The following CENPT variants were observed in gnomAD, a reference collection of about 807,000 sequenced individuals.
CENPT encodes the protein centromere protein T, also known as interphase centromere complex protein 22.
In CENPT, 42 loss-of-function variants were observed where a neutral mutation model predicts 59.7. That is an observed-to-expected ratio of 0.70 (90% confidence interval 0.55 to 0.91). The LOEUF is 0.91. Ranked by LOEUF, CENPT falls within the 40% of genes least tolerant of loss-of-function variation. The pLI is 0.00. For synonymous variants in CENPT, 295 were observed against 289.6 expected (o/e 1.02, Z -0.19); for missense variants, 716 against 713.4 (o/e 1.00, Z -0.04).
At chr16:67,846,896 C>A (rs2057804185) in intron 1 of CENPT, 1 of 152,222 alleles carries the variant, frequency 6.6e-6, no homozygotes, top group Non-Finnish European at 1.5e-5. Context: ...TGCAGCGGGG[C>A]GGGCGAAGGA....
chr16:67,832,041 T>A lies in CENPT; in HGVS notation c.357A>T (p.Gln119His). The change falls in exon 7 of 16, where the codon CAA becomes CAT. Residue 119 changes from glutamine to histidine, a missense_variant. Physicochemically the swap from Gln to His is conservative, Grantham distance 24. Coordinates refer to ENST00000562787, the MANE Select transcript of CENPT (RefSeq NM_025082.4). ...VKPVPAPQAV[Q>H]PSRQESSCGS... ...CGCAACTGCTCTCTTGTCTGGAGGG[T>A]TGGACCGCCTGCGGTGCTGGCACTG... 6.2e-7 allele frequency: 1 copy of A among 1,609,622 alleles called. No individual in the cohort carries two copies. Among genetic ancestry groups the A allele is most frequent in the South Asian group, 1.1e-5 (1 of 90,550 alleles).
intron 1 of CENPT, chr16:67,841,736 T>C (rs1418099494): frequency 1.3e-5 from 2 of 152,222 alleles, no homozygotes; most frequent in East Asian, 3.8e-4. Flanking sequence ...AGACTTTGTT[T>C]AGATCAGTTA....
At chr16:67,839,841 T>C (rs1029369946) in intron 1 of CENPT, among the ~76,000 whole-genome samples, 2 of 152,058 alleles carry the variant, frequency 1.3e-5, no homozygotes, top group African/African-American at 4.8e-5. Context: ...ACCACTGCAC[T>C]TCAGCCTCAA....
rs2057765376 is a variant in CENPT at position 67,842,106 on chromosome 16, A to G, written c.-492+5295T>C. 6.6e-6 allele frequency: 1 copy of G among 152,336 alleles called. No homozygotes were observed. Among genetic ancestry groups the G allele is most frequent in the Non-Finnish European group, 1.5e-5 (1 of 68,168 alleles). The allele number at this position is 152,336 out of a possible 1,614,324, so 9.4% of individuals were successfully genotyped here. ...TATCAGGATTCGGGTCCTCGTGAGGAGCAGTCCAGGCGACAGCGTTCCAAC... is the reference window on the plus strand; with the variant it reads ...TATCAGGATTCGGGTCCTCGTGAGGGGCAGTCCAGGCGACAGCGTTCCAAC... On this transcript the variant is annotated intron_variant, in intron 1 of 15. Transcript: ENST00000562787. The surrounding 1 kb of genome is among the most constrained non-coding windows in gnomAD (Gnocchi z 4.9).
chr16:67,828,396 G>A lies in CENPT; in HGVS notation c.1563-6C>T. On this transcript the variant is annotated splice_polypyrimidine_tract_variant and splice_region_variant and intron_variant, in intron 15 of 15. Coordinates refer to ENST00000562787, the MANE Select transcript of CENPT (RefSeq NM_025082.4). ...GGTCAGTGACCAGGCCCTGCCTGCA[G>A]TGGAGGAAGAGAAGGGACAGGCAGA... 1 of 1,611,730 alleles carries A rather than the reference G, an allele frequency of 6.2e-7. No homozygotes were observed. Among genetic ancestry groups the A allele is most frequent in the Non-Finnish European group, 8.5e-7 (1 of 1,178,146 alleles).
In CENPT at chr16:67,830,085, G is replaced by C; in HGVS notation, c.866C>G (p.Pro289Arg). Residue 289 changes from proline to arginine, a missense_variant, in exon 12 of 16, where the codon CCT becomes CGT. Pro to Arg is a moderately radical substitution (Grantham distance 103, BLOSUM62 -2). Coordinates refer to ENST00000562787, the MANE Select transcript of CENPT (RefSeq NM_025082.4). ...TGCCAGAAACTGGGCTGGTTTCCCA[G>C]GGCCTGAGTGAAGGGGAGAGAATAC... ...SSGPGLQKNS[P>R]GKPAQFLAGE... The C allele has an allele frequency of 1.2e-6, 2 of 1,614,020 alleles. No homozygotes were observed. The highest frequency in any genetic ancestry group is 1.7e-6 in the Non-Finnish European group (2 of 1,179,920).
rs1236862167 is a variant in CENPT, at chr16:67,842,707, C to T, written c.-492+4694G>A. 2.5e-6 allele frequency: 4 copies of T among 1,602,044 alleles called. No homozygotes were observed. Among genetic ancestry groups the T allele is most frequent in the Admixed American group, 1.7e-5 (1 of 58,560 alleles). On this transcript the variant is annotated intron_variant, in intron 1 of 15. Transcript: ENST00000562787. This position sits in a 1 kb window ranked among gnomAD's most constrained non-coding sequence, Gnocchi z 4.9. ...CCGGCGTCAGTGGGTGCTTCTCCAC[C>T]TTCCAGCCCACCACAGGCCACCGTC... is the stretch of plus-strand genomic sequence containing the variant.
chr16:67,830,493 G>T lies in CENPT; in HGVS notation c.759C>A (p.Asn253Lys), dbSNP rs56045040. The change falls in exon 11 of 16, where the codon AAC becomes AAA. Residue 253 changes from asparagine (N) to lysine (K), a missense_variant. Transcript: ENST00000562787. ...GCGTGCAGGGCAGGGAGTGATACACGTTGGGGGAGCCAACCATGGGCTGAG... is the reference window on the plus strand; with the variant it reads ...GCGTGCAGGGCAGGGAGTGATACACTTTGGGGGAGCCAACCATGGGCTGAG... ...PFSQPMVGSP[N>K]VYHSLPCTPH... The T allele has an allele frequency of 1.2e-6, 2 of 1,614,118 alleles. No individual in the cohort carries two copies. Among genetic ancestry groups the T allele is most frequent in the Non-Finnish European group, 1.7e-6 (2 of 1,179,996 alleles).
chr16:67,846,657 G>A (rs1382026911), intron 1 of CENPT: 1 of 152,412 alleles, frequency 6.6e-6, no homozygotes, highest in Non-Finnish European at 1.5e-5. Flanking sequence ...GAGACCAGGA[G>A]ACAACTGAGC....
At position 67,828,534 on chromosome 16, in the gene CENPT, A is replaced by G; in HGVS notation, c.1502T>C (p.Phe501Ser). Residue 501 changes from phenylalanine (F) to serine (S), a missense_variant, in exon 15 of 16, where the codon TTT (phenylalanine) becomes TCT (serine). Transcript: ENST00000562787. ...AGTCTTGCGGCCAGCATGAGCAGCA[A>G]ATACCTCCAGATCATCACAAAGATG... Reference protein sequence around the residue: ...FQHLCDDLEVFAAHAGRKTVK... With the variant: ...FQHLCDDLEVSAAHAGRKTVK... 1 of 1,614,212 alleles carries G rather than the reference A, an allele frequency of 6.2e-7. No homozygotes were observed. The highest frequency in any genetic ancestry group is 8.5e-7 in the Non-Finnish European group (1 of 1,180,040).
At chr16:67,845,442 G>A (rs1386751831) in intron 1 of CENPT, among the ~76,000 whole-genome samples, 2 of 152,176 alleles carry the variant, frequency 1.3e-5, no homozygotes, top group African/African-American at 2.4e-5. Context: ...GGGATGGACT[G>A]GACCTCTGTC....
chr16:67,843,728 T>G lies in CENPT; in HGVS notation c.-492+3673A>C. On this transcript the variant is annotated intron_variant, in intron 1 of 15. Transcript: ENST00000562787. This position sits in a 1 kb window ranked among gnomAD's most constrained non-coding sequence, Gnocchi z 5.7. ...CCAGCAATTATGACTTTGTCTACCC[T>G]TCCTCCCCAGTTATTGTTGCAGATT... 1 of 494,128 alleles carries G rather than the reference T, an allele frequency of 2.0e-6. No individual in the cohort carries two copies. Among genetic ancestry groups the G allele is most frequent in the Non-Finnish European group, 3.7e-6 (1 of 270,728 alleles). The allele number at this position is 494,128 out of a possible 1,614,324, so 30.6% of individuals were successfully genotyped here.
At chr16:67,840,658 G>T (rs1365532233) in intron 1 of CENPT, among the ~76,000 whole-genome samples, 1 of 152,034 alleles carries the variant, frequency 6.6e-6, no homozygotes, top group Non-Finnish European at 1.5e-5. Context: ...CCTGGGTGAT[G>T]AAATAATCTG....
chr16:67,845,594 G>A (rs1291605191), intron 1 of CENPT, among the ~76,000 whole-genome samples: 1 of 152,208 alleles, frequency 6.6e-6, no homozygotes, highest in Non-Finnish European at 1.5e-5. Context: ...GTGTATCCTT[G>A]AGCTCCTATT....
Position 67,828,715 on chromosome 16 carries a change from T to A in CENPT, c.1409A>T (p.Tyr470Phe). 1 of 1,614,184 alleles carries A rather than the reference T, an allele frequency of 6.2e-7. No individual in the cohort carries two copies. Among genetic ancestry groups the A allele is most frequent in the Non-Finnish European group, 8.5e-7 (1 of 1,180,036 alleles). The change falls in exon 14 of 16, where the codon TAT becomes TTT. Residue 470 changes from tyrosine to phenylalanine, a missense_variant. Physicochemically the swap from Tyr to Phe is conservative, Grantham distance 22 (BLOSUM62 3). Coordinates refer to ENST00000562787, the MANE Select transcript of CENPT (RefSeq NM_025082.4). ...CTTCCTCTCCATGGGCATCTTGGCA[T>A]AGAAGCTAAAGAGTTTCACATAGTG... Reference protein sequence around the residue: ...LSHYVKLFSFYAKMPMERKAL... With the variant: ...LSHYVKLFSFFAKMPMERKAL...
chr16:67,830,455 GC>G lies in CENPT; in HGVS notation c.796del (p.Ala266LeufsTer46), dbSNP rs1367045368. ...HSLPCTPHTG[A>X]EDAEQAAGRK... ...ACCGGCAGCCTGCTCAGCGTCTTCA[GC>G]CCCAGTGTGAGGCGTGCAGGGCAGG... On this transcript the variant is annotated frameshift_variant, in exon 11 of 16. Coordinates refer to ENST00000562787, the MANE Select transcript of CENPT (RefSeq NM_025082.4). LOFTEE classifies it high-confidence loss of function. 6.2e-7 allele frequency: 1 copy of G among 1,614,014 alleles called. No homozygotes were observed. The highest frequency in any genetic ancestry group is 1.3e-5 in the African/African-American group (1 of 74,920).
chr16:67,831,140 G>C, intron 10 of CENPT, 76 bp downstream of exon 10: 1 of 1,601,590 alleles, frequency 6.2e-7, no homozygotes, highest in Non-Finnish European at 8.5e-7. Flanking sequence ...GTGCAACCCT[G>C]ACTCAGCATC....
At position 67,831,247 on chromosome 16, in the gene CENPT, C is replaced by T; in HGVS notation, c.672G>A (p.Arg224=). Residue 224 remains arginine, a synonymous_variant, in exon 10 of 16, where the codon CGG becomes CGA. Coordinates refer to ENST00000562787, the MANE Select transcript of CENPT (RefSeq NM_025082.4). The stretch of plus-strand genomic sequence containing the variant: ...GAGCCAGGGAAGTATCTCGCAGATC[C>T]CGCAAAAAGGCACCCACGTCTACAG... The part of the protein sequence containing the change: ...RRAVDVGAFL[R]DLRDTSLAPP... 6.2e-7 allele frequency: 1 copy of T among 1,614,128 alleles called. No homozygotes were observed. Among genetic ancestry groups the T allele is most frequent in the South Asian group, 1.1e-5 (1 of 91,078 alleles).
In CENPT at chr16:67,833,788, G is replaced by A. The variant is rs1010526146; in HGVS notation, c.72C>T (p.Asp24=). 1.3e-6 allele frequency: 2 copies of A among 1,569,060 alleles called. No homozygotes were observed. The highest frequency in any genetic ancestry group is 1.7e-6 in the Non-Finnish European group (2 of 1,160,108). ...TLLRRVLDTA[D]PRTPRRPRSA... ...TCCGGGGTCGCCGCGGGGTGCGCGGGTCCGCTGTATCCAGCACGCGTCGCA... is the reference window on the plus strand; with the variant it reads ...TCCGGGGTCGCCGCGGGGTGCGCGGATCCGCTGTATCCAGCACGCGTCGCA... Residue 24 remains aspartate, a synonymous_variant, in exon 4 of 16, where the codon GAC becomes GAT. Transcript: ENST00000562787.
Sources: gnomAD v4.1 joint callset for allele counts (sites outside exome capture counted in the v4.1 genomes callset) on GRCh38, gnomAD v4.1.1 for gene constraint, Gnocchi (gnomAD v3.1) non-coding constraint, MANE v1.5 for transcripts, NCBI Gene and HGNC (gene_info 2026-07-23, HGNC 2026-07-21) for gene names.